The following UBE2R2 variants were observed in gnomAD, a reference collection of about 807,000 sequenced individuals.
UBE2R2 encodes the protein ubiquitin-conjugating enzyme E2 R2.
UBE2R2 carries 1 observed loss-of-function variant against 27.8 expected under a neutral mutation model. The observed-to-expected ratio is 0.04, with a 90% CI of 0.01 to 0.17. The LOEUF (loss-of-function observed/expected upper bound fraction) is 0.17, where lower values mean the gene tolerates loss of function less well. Ranked by LOEUF, UBE2R2 falls within the 10% of genes least tolerant of loss-of-function variation. The probability of loss-of-function intolerance (pLI) is 1.00; values close to 1 mark genes in which losing one functional copy is unlikely to be tolerated. For missense variants in UBE2R2, 100 were observed against 291.0 expected, an observed-to-expected ratio of 0.34 and a Z score of 4.78; for synonymous variants, 106 against 113.3, an observed-to-expected ratio of 0.94 and a Z score of 0.41.
At chr9:33,883,736 TAAAAAAG>T (rs1262668716) in intron 1 of UBE2R2, among the ~76,000 whole-genome samples, 1 of 136,562 alleles carries the variant, frequency 7.3e-6, no homozygotes, top group Non-Finnish European at 1.6e-5. Flanking sequence ...AAAAAAGAAA[TAAAAAAG>T]AATAAGGTCA....
intron 4 of UBE2R2, among the ~76,000 whole-genome samples, chr9:33,916,272 T>TG (rs1186713509): frequency 6.6e-6 from 1 of 151,890 alleles, no homozygotes; most frequent in Admixed American, 6.6e-5. Context: ...ACCTGGGAGA[T>TG]GGAGGTTGCA....
At chr9:33,886,678 T>C (rs1821865471) in intron 1 of UBE2R2, among the ~76,000 whole-genome samples, 1 of 148,680 alleles carries the variant, frequency 6.7e-6, no homozygotes, top group African/African-American at 2.5e-5. Flanking sequence ...AAAAAAGGCT[T>C]TTATAAATAT....
At chr9:33,908,009 C>T (rs922216920) in intron 3 of UBE2R2, among the ~76,000 whole-genome samples, 8 of 152,018 alleles carry the variant, frequency 5.3e-5, no homozygotes, top group Non-Finnish European at 8.8e-5. Flanking sequence ...TTAGTAGAGA[C>T]GGGGTTTCAC....
Position 33,817,440 on chromosome 9 carries a change from C to A in UBE2R2, c.-318C>A, listed in dbSNP as rs372911259. The A allele has an allele frequency of 1.7e-3, 258 of 154,800 alleles. 2 individuals carry two copies. The highest frequency in any genetic ancestry group is 6.5e-3 in the Middle Eastern group (2 of 306). 9.6% of individuals were successfully genotyped at this position (154,800 alleles called of 1,614,324 possible). A position where few individuals can be genotyped will look rare whatever the true frequency, so the allele number is the denominator to read the frequency against. ...TCCGCTTCCACCTCCTCTCCCCCCCCCCAAGTTGAGGCCCCCTCCGGGGGG... is the reference window on the plus strand; with the variant it reads ...TCCGCTTCCACCTCCTCTCCCCCCCACCAAGTTGAGGCCCCCTCCGGGGGG... On this transcript the variant is annotated 5_prime_UTR_variant, in exon 1 of 5. Coordinates refer to ENST00000263228, the MANE Select transcript of UBE2R2 (RefSeq NM_017811.4).
At chr9:33,898,055 G>A (rs185173462) in intron 2 of UBE2R2, among the ~76,000 whole-genome samples, 4 of 151,972 alleles carry the variant, frequency 2.6e-5, no homozygotes, top group Admixed American at 6.6e-5. Flanking sequence ...GGTTACAGGC[G>A]TGAGCCACCA....
chr9:33,898,956 T>G (rs1822185243), intron 2 of UBE2R2, among the ~76,000 whole-genome samples: 2 of 152,206 alleles, frequency 1.3e-5, no homozygotes, highest in Non-Finnish European at 1.5e-5. Context: ...TGTGTTAAGT[T>G]TATGAAGCAA....
intron 1 of UBE2R2, among the ~76,000 whole-genome samples, chr9:33,841,623 T>C (rs1820735329): frequency 6.6e-6 from 1 of 152,204 alleles, no homozygotes; most frequent in Admixed American, 6.6e-5. Context: ...TGTCATTGTT[T>C]CTAGGACAGA....
chr9:33,865,109 C>T (rs552918428), intron 1 of UBE2R2, among the ~76,000 whole-genome samples: 1 of 152,294 alleles, frequency 6.6e-6, no homozygotes, highest in Non-Finnish European at 1.5e-5. Context: ...GATCCTCCCA[C>T]CTTGACCTCC....
chr9:33,819,708 G>T (rs986429640), intron 1 of UBE2R2, among the ~76,000 whole-genome samples: 102 of 151,538 alleles, frequency 6.7e-4, no homozygotes, highest in African/African-American at 2.4e-3. Flanking sequence ...GCGCGATCTC[G>T]CCTCACTGCA....
chr9:33,900,826 C>A (rs965038638), intron 3 of UBE2R2, among the ~76,000 whole-genome samples: 2 of 152,086 alleles, frequency 1.3e-5, no homozygotes, highest in African/African-American at 4.8e-5. Flanking sequence ...ACTTGGCCTC[C>A]CAAAGCGCTG....
intron 2 of UBE2R2, among the ~76,000 whole-genome samples, chr9:33,888,671 C>T (rs1821917107): frequency 1.3e-5 from 2 of 152,158 alleles, no homozygotes; most frequent in African/African-American, 4.8e-5. Flanking sequence ...TGTGCACGAC[C>T]ACACCTGGCT....
intron 3 of UBE2R2, among the ~76,000 whole-genome samples, chr9:33,901,097 A>G (rs1444140366): frequency 6.6e-6 from 1 of 152,166 alleles, no homozygotes; most frequent in Non-Finnish European, 1.5e-5. Flanking sequence ...CTGTGACTAT[A>G]GGTGTATGCC....
chr9:33,836,282 G>A (rs889570972), intron 1 of UBE2R2, among the ~76,000 whole-genome samples: 4 of 152,184 alleles, frequency 2.6e-5, no homozygotes, highest in Non-Finnish European at 5.9e-5. Context: ...TAGATGTGTA[G>A]GAGCCTATAC....
chr9:33,852,186 C>CTA (rs1253389310), intron 1 of UBE2R2, among the ~76,000 whole-genome samples: 1 of 152,132 alleles, frequency 6.6e-6, no homozygotes, highest in Non-Finnish European at 1.5e-5. Context: ...TGGCATGTGC[C>CTA]TATAGTCCCA....
intron 1 of UBE2R2, among the ~76,000 whole-genome samples, chr9:33,834,178 G>A (rs1042782539): frequency 1.3e-5 from 2 of 150,804 alleles, no homozygotes; most frequent in African/African-American, 4.9e-5. Flanking sequence ...TGTAGTGACG[G>A]ATTCTTGGAG....
chr9:33,823,380 AT>A (rs147648376), intron 1 of UBE2R2, among the ~76,000 whole-genome samples: 12,027 of 149,594 alleles, frequency 0.08, 678 homozygotes, highest in Non-Finnish European at 0.12. Context: ...TTGAAAAAAA[AT>A]TTTTTTTTTT....
chr9:33,918,836 A>G lies in UBE2R2; in HGVS notation c.*1599A>G, dbSNP rs897371885. The stretch of plus-strand genomic sequence containing the variant: ...TTAGGGACGGGGCAGGAGGGATCCT[A>G]GGATGGCCAGAGTAGGTGACGCTTA... On this transcript the variant is annotated 3_prime_UTR_variant, in exon 5 of 5. Transcript: ENST00000263228. 3.3e-5 allele frequency: 5 copies of G among 152,602 alleles called. No homozygotes were observed. Among genetic ancestry groups the G allele is most frequent in the Admixed American group, 3.3e-4 (5 of 15,280 alleles). The allele number at this position is 152,602 out of a possible 1,614,324, so 9.5% of individuals were successfully genotyped here.
At chr9:33,825,238 G>T in intron 1 of UBE2R2, among the ~76,000 whole-genome samples, 1 of 138,900 alleles carries the variant, frequency 7.2e-6, no homozygotes, top group East Asian at 2.2e-4. Flanking sequence ...CTTCATAAAA[G>T]CAAAGCTTTT....
At chr9:33,841,580 A>G (rs754618778) in intron 1 of UBE2R2, among the ~76,000 whole-genome samples, 1 of 152,182 alleles carries the variant, frequency 6.6e-6, no homozygotes, top group East Asian at 1.9e-4. Context: ...AGGGCGCCTA[A>G]TATGGACCTT....
Sources: gnomAD v4.1 joint callset for allele counts (sites outside exome capture counted in the v4.1 genomes callset) on GRCh38, gnomAD v4.1.1 for gene constraint, MANE v1.5 for transcripts, NCBI Gene and HGNC (gene_info 2026-07-23, HGNC 2026-07-21) for gene names.